Variants in FNDC3B observed in about 807,000 individuals in gnomAD.
FNDC3B encodes the protein fibronectin type III domain-containing protein 3B.
A neutral mutation model predicts 151.5 loss-of-function variants in FNDC3B; 12 were observed. The observed-to-expected ratio is 0.08, with a 90% CI of 0.05 to 0.13. The LOEUF is 0.13. Ranked by LOEUF, FNDC3B falls within the 10% of genes least tolerant of loss-of-function variation. FNDC3B has a pLI of 1.00. For missense variants in FNDC3B, 1,214 were observed against 1,505.3 expected, an observed-to-expected ratio of 0.81 and a Z score of 3.20; for synonymous variants, 528 against 549.0, an observed-to-expected ratio of 0.96 and a Z score of 0.54.
chr3:172,100,745 T>G (rs1719341232), intron 1 of FNDC3B, among the ~76,000 whole-genome samples: 1 of 152,166 alleles, frequency 6.6e-6, no homozygotes, highest in Non-Finnish European at 1.5e-5. Flanking sequence ...TCACATTAAG[T>G]GAAAAACAAA....
intron 3 of FNDC3B, among the ~76,000 whole-genome samples, chr3:172,199,468 C>T (rs535737443): frequency 3.0e-4 from 46 of 152,224 alleles, no homozygotes; most frequent in Admixed American, 5.9e-4. Flanking sequence ...TGTGAGCCAC[C>T]GCGCCCGGCT....
intron 4 of FNDC3B, among the ~76,000 whole-genome samples, chr3:172,239,249 C>T (rs1727340671): frequency 6.6e-6 from 1 of 152,040 alleles, no homozygotes; most frequent in Admixed American, 6.6e-5. Context: ...TTGGGAGAAT[C>T]CTGGATTCTG....
At chr3:172,260,477 A>G (rs1728591637) in intron 6 of FNDC3B, among the ~76,000 whole-genome samples, 1 of 152,256 alleles carries the variant, frequency 6.6e-6, no homozygotes, top group Non-Finnish European at 1.5e-5. Context: ...TCAGAGGACT[A>G]TCATCAGCTC....
intron 1 of FNDC3B, among the ~76,000 whole-genome samples, chr3:172,042,680 A>G (rs1240588517): frequency 6.6e-6 from 1 of 152,204 alleles, no homozygotes; most frequent in Non-Finnish European, 1.5e-5. Context: ...AGTAACTTGC[A>G]TAAGATCACG....
At chr3:172,289,546 T>G (rs6445057) in intron 7 of FNDC3B, among the ~76,000 whole-genome samples, 89,438 of 152,128 alleles carry the variant, frequency 0.59, 27,072 homozygotes, top group East Asian at 0.84. Flanking sequence ...ATTAGTTGTT[T>G]ATGCAGTTTC....
intron 3 of FNDC3B, among the ~76,000 whole-genome samples, chr3:172,177,112 G>A (rs1459573515): frequency 6.6e-6 from 1 of 152,160 alleles, no homozygotes; most frequent in Admixed American, 6.5e-5. Flanking sequence ...AGGATGGAGG[G>A]TTCTGAAACT....
chr3:172,310,045 C>T (rs535293767), intron 10 of FNDC3B, among the ~76,000 whole-genome samples: 1 of 152,258 alleles, frequency 6.6e-6, no homozygotes, highest in African/African-American at 2.4e-5. Context: ...GACTCCTCTT[C>T]CTGGTTGCTT....
At chr3:172,170,819 C>CT (rs1417993109) in intron 3 of FNDC3B, among the ~76,000 whole-genome samples, 2 of 152,142 alleles carry the variant, frequency 1.3e-5, no homozygotes, top group African/African-American at 2.4e-5. Flanking sequence ...TTATTGAGCT[C>CT]TTTTTTTAAA....
chr3:172,374,344 A>T (rs1192660486), intron 23 of FNDC3B, among the ~76,000 whole-genome samples: 1 of 152,174 alleles, frequency 6.6e-6, no homozygotes, highest in Non-Finnish European at 1.5e-5. Flanking sequence ...ACTAACACAT[A>T]TTGAGTTATT....
At chr3:172,306,221 C>A (rs1346904720) in intron 9 of FNDC3B, among the ~76,000 whole-genome samples, 2 of 152,052 alleles carry the variant, frequency 1.3e-5, no homozygotes, top group Non-Finnish European at 2.9e-5. Flanking sequence ...TTGGGTAGGG[C>A]TAAGGGAAGT....
chr3:172,276,577 G>A (rs1021860666), intron 6 of FNDC3B, among the ~76,000 whole-genome samples: 1 of 152,104 alleles, frequency 6.6e-6, no homozygotes, highest in Non-Finnish European at 1.5e-5. Context: ...AGGTAAAAGG[G>A]CATAATGTGC....
intron 1 of FNDC3B, among the ~76,000 whole-genome samples, chr3:172,085,572 A>G (rs541820294): frequency 6.6e-6 from 1 of 152,340 alleles, no homozygotes; most frequent in African/African-American, 2.4e-5. Flanking sequence ...TTGAAAGGAA[A>G]TAAAGGAAAG....
At chr3:172,081,323 A>G (rs929252323) in intron 1 of FNDC3B, among the ~76,000 whole-genome samples, 3 of 149,398 alleles carry the variant, frequency 2.0e-5, no homozygotes, top group African/African-American at 7.3e-5. Flanking sequence ...CTTTTGTCTC[A>G]GTAGCTCTCT....
intron 9 of FNDC3B, among the ~76,000 whole-genome samples, chr3:172,299,861 T>G (rs987596007): frequency 2.0e-5 from 3 of 152,188 alleles, no homozygotes; most frequent in African/African-American, 7.2e-5. Context: ...TCAATTCACA[T>G]AGAACGCTCT....
chr3:172,099,311 C>G (rs991612864), intron 1 of FNDC3B, among the ~76,000 whole-genome samples: 2 of 151,846 alleles, frequency 1.3e-5, no homozygotes, highest in African/African-American at 4.8e-5. Context: ...CTTTTGGGTT[C>G]TTTGATGAAA....
chr3:172,197,464 C>T (rs1033618340), intron 3 of FNDC3B, among the ~76,000 whole-genome samples: 4 of 152,188 alleles, frequency 2.6e-5, no homozygotes, highest in Non-Finnish European at 4.4e-5. Flanking sequence ...ATACAACCAT[C>T]AACATTAGGA....
intron 1 of FNDC3B, among the ~76,000 whole-genome samples, chr3:172,109,386 T>A (rs926707202): frequency 2.0e-5 from 3 of 152,206 alleles, no homozygotes; most frequent in Admixed American, 1.3e-4. Context: ...CGGGATGGTC[T>A]CGATCTCCTG....
chr3:172,115,334 A>G (rs1236268883), intron 2 of FNDC3B, among the ~76,000 whole-genome samples: 2 of 152,224 alleles, frequency 1.3e-5, no homozygotes. Context: ...GAGAAACACA[A>G]GAGGATGTAG....
chr3:172,211,488 T>A (rs1725729303), intron 3 of FNDC3B, among the ~76,000 whole-genome samples: 1 of 152,198 alleles, frequency 6.6e-6, no homozygotes, highest in African/African-American at 2.4e-5. Flanking sequence ...AGAACCTGAT[T>A]TTGCAAAGGG....
Sources: allele counts gnomAD v4.1 joint callset (sites outside exome capture counted in the v4.1 genomes callset), GRCh38; gene constraint gnomAD v4.1.1; transcripts MANE v1.5; gene names NCBI Gene and HGNC (gene_info 2026-07-23, HGNC 2026-07-21).